EIF4G3: variants seen among roughly 807,000 people sequenced by gnomAD.
EIF4G3 encodes the protein eIF-4-gamma 3.
In EIF4G3, 34 loss-of-function variants were observed where a neutral mutation model predicts 186.4. The observed-to-expected ratio is 0.18, with a 90% CI of 0.14 to 0.24. The LOEUF (loss-of-function observed/expected upper bound fraction) is 0.24. EIF4G3 is among the 10% of genes least tolerant of loss of function. The pLI is 1.00. For synonymous variants in EIF4G3, 673 were observed against 679.5 expected (o/e 0.99, Z 0.15); for missense variants, 1,536 against 1,948.5 (o/e 0.79, Z 3.99).
At chr1:20,813,959 T>C (rs1570879958) in intron 34 of EIF4G3, among the ~76,000 whole-genome samples, 1 of 139,730 alleles carries the variant, frequency 7.2e-6, no homozygotes, top group Non-Finnish European at 1.6e-5. Flanking sequence ...TTTTTTTTTT[T>C]TTTTTTTTTT....
At chr1:20,957,103 G>A (rs963362416) in intron 12 of EIF4G3, among the ~76,000 whole-genome samples, 4 of 152,070 alleles carry the variant, frequency 2.6e-5, no homozygotes, top group African/African-American at 9.7e-5. Context: ...CTGCAATAGA[G>A]AACATCCTTG....
At chr1:20,964,814 T>C (rs1447980253) in intron 12 of EIF4G3, among the ~76,000 whole-genome samples, 18 of 152,206 alleles carry the variant, frequency 1.2e-4, no homozygotes, top group Admixed American at 1.1e-3. Flanking sequence ...TAAAACCTAA[T>C]GGTTAACACC....
intron 14 of EIF4G3, among the ~76,000 whole-genome samples, chr1:20,938,495 C>A (rs1212123142): frequency 6.6e-6 from 1 of 152,100 alleles, no homozygotes; most frequent in Non-Finnish European, 1.5e-5. Flanking sequence ...CAGGCAGAGA[C>A]AAGTAAAAAC....
chr1:20,820,360 T>G (rs2062033084), intron 33 of EIF4G3, among the ~76,000 whole-genome samples: 1 of 152,208 alleles, frequency 6.6e-6, no homozygotes, highest in Non-Finnish European at 1.5e-5. Context: ...ATGCAGCACC[T>G]GGGCGTCTCT....
intron 36 of EIF4G3, 34 bp from the exon 37 acceptor site, chr1:20,807,534 G>A: frequency 2.0e-6 from 3 of 1,518,478 alleles, no homozygotes; most frequent in Non-Finnish European, 2.7e-6. Flanking sequence ...ATAAGCTTTG[G>A]GACACTGTAG....
At chr1:20,913,949 G>A (rs1258570766) in intron 14 of EIF4G3, among the ~76,000 whole-genome samples, 2 of 151,800 alleles carry the variant, frequency 1.3e-5, no homozygotes, top group South Asian at 2.1e-4. Context: ...TGGGACTACA[G>A]GCGCATGCCG....
rs548848088 is a variant in EIF4G3, at chr1:20,864,512, G to C, written c.2970C>G (p.Thr990=). The C allele has an allele frequency of 6.2e-7, 1 of 1,614,058 alleles. No individual in the cohort carries two copies. Among genetic ancestry groups the C allele is most frequent in the African/African-American group, 1.3e-5 (1 of 74,928 alleles). The change falls in exon 22 of 37, where the codon ACC becomes ACG. Residue 990 remains threonine (T), a synonymous_variant. Coordinates refer to ENST00000602326, the MANE Select transcript of EIF4G3 (RefSeq NM_001391906.1). ...CAAAGTCCAAGTCTTTGCCAATGGT[G>C]GTGAGCAGGCGACACAGGCACTCCA... The part of the protein sequence containing the change: ...ESLECLCRLL[T]TIGKDLDFEK...
intron 2 of EIF4G3, among the ~76,000 whole-genome samples, chr1:21,096,020 A>G (rs1339219022): frequency 6.6e-6 from 1 of 152,230 alleles, no homozygotes; most frequent in Admixed American, 6.5e-5. Context: ...AGTGTTTTCT[A>G]ATGCCCAATT....
chr1:20,883,623 A>C (rs999361137), intron 19 of EIF4G3, among the ~76,000 whole-genome samples: 2 of 152,044 alleles, frequency 1.3e-5, no homozygotes, highest in Non-Finnish European at 2.9e-5. Flanking sequence ...ACTCCATCTT[A>C]AAAGAAAAAA....
intron 32 of EIF4G3, among the ~76,000 whole-genome samples, chr1:20,826,705 G>A (rs1036054496): frequency 6.6e-6 from 1 of 150,794 alleles, no homozygotes. Flanking sequence ...GGCCAGGATG[G>A]TCTCGATCTC....
intron 33 of EIF4G3, among the ~76,000 whole-genome samples, chr1:20,817,913 C>G (rs532456369): frequency 6.6e-6 from 1 of 152,012 alleles, no homozygotes; most frequent in Non-Finnish European, 1.5e-5. Context: ...TGAGCTCAAG[C>G]AATCCGCCCT....
chr1:21,148,706 A>T (rs1166309988), intron 2 of EIF4G3, among the ~76,000 whole-genome samples: 1 of 53,438 alleles, frequency 1.9e-5, no homozygotes, highest in Admixed American at 1.9e-4. Flanking sequence ...TGTCTCATTT[A>T]AAAAAAAAAA....
chr1:20,927,357 A>C (rs556733037), intron 14 of EIF4G3, among the ~76,000 whole-genome samples: 1 of 152,234 alleles, frequency 6.6e-6, no homozygotes, highest in Admixed American at 6.5e-5. Context: ...AAATAATGAT[A>C]GTTTCAAGGC....
chr1:21,125,616 G>C lies in EIF4G3; in HGVS notation c.-271-36403C>G, dbSNP rs1156301496. Among the ~76,000 whole-genome samples, 6 of 152,178 alleles carry C rather than the reference G, an allele frequency of 3.9e-5. No homozygotes were observed. The East Asian group carries it at 1.2e-3, about 29-fold the overall frequency. ...TGCCTGTAATCCCAGCTACTTGGGA[G>C]GCTAAGACAGGAGAATCGCTTGAGC... On this transcript the variant is annotated intron_variant, in intron 2 of 36. Coordinates refer to ENST00000602326, the MANE Select transcript of EIF4G3 (RefSeq NM_001391906.1).
chr1:21,114,364 CTCGA>C (rs1442251413), intron 2 of EIF4G3, among the ~76,000 whole-genome samples: 1 of 152,114 alleles, frequency 6.6e-6, no homozygotes, highest in Admixed American at 6.5e-5. Context: ...CCAGGATGTT[CTCGA>C]TCCACCCGCC....
intron 3 of EIF4G3, among the ~76,000 whole-genome samples, chr1:21,084,365 GGAGA>G (rs1007969881): frequency 6.6e-6 from 1 of 151,494 alleles, no homozygotes; most frequent in Admixed American, 6.6e-5. Context: ...CATGATGGCA[GGAGA>G]GAGAGAGAGA....
chr1:20,950,438 T>G (rs988372214), intron 12 of EIF4G3, among the ~76,000 whole-genome samples: 1 of 152,040 alleles, frequency 6.6e-6, no homozygotes, highest in Admixed American at 6.6e-5. Context: ...AACCTAACAA[T>G]AGACGACACA....
intron 2 of EIF4G3, among the ~76,000 whole-genome samples, chr1:21,126,320 C>T (rs1344233709): frequency 1.3e-5 from 2 of 151,176 alleles, no homozygotes; most frequent in African/African-American, 2.4e-5. Flanking sequence ...AGAGTCCATA[C>T]TCTTAACCAC....
chr1:20,969,447 C>T, intron 12 of EIF4G3, 27 bp downstream of exon 12: 1 of 1,612,302 alleles, frequency 6.2e-7, no homozygotes, highest in Non-Finnish European at 8.5e-7. Flanking sequence ...CAAATAGTGC[C>T]ATCCATTACA....
Sources: allele counts gnomAD v4.1 joint callset (sites outside exome capture counted in the v4.1 genomes callset), GRCh38; gene constraint gnomAD v4.1.1; transcripts MANE v1.5; gene names NCBI Gene and HGNC (gene_info 2026-07-23, HGNC 2026-07-21).